Variants in RPN2 observed in about 807,000 individuals in gnomAD.
The protein encoded by RPN2 is ribophorin II.
RPN2 carries 29 observed loss-of-function variants against 71.4 expected under a neutral mutation model. That is an observed-to-expected ratio of 0.41 (90% CI 0.30 to 0.55). The LOEUF is 0.55. Ranked by LOEUF, RPN2 falls within the 20% of genes least tolerant of loss-of-function variation. RPN2 has a pLI of 0.35. For missense variants in RPN2, 726 were observed against 774.1 expected (o/e 0.94, Z 0.74); for synonymous variants, 308 against 305.0 (o/e 1.01, Z -0.10).
At chr20:37,236,531 GCA>G in intron 15 of RPN2, 47 bp from the exon 16 acceptor site, 1 of 1,607,588 alleles carries the variant, frequency 6.2e-7, no homozygotes, top group South Asian at 1.1e-5. Flanking sequence ...CAACCGCAGG[GCA>G]TCATTATGTT....
chr20:37,203,755 A>G (rs2067448287), intron 4 of RPN2, 130 bp from the exon 5 acceptor site: 2 of 735,550 alleles, frequency 2.7e-6, no homozygotes, highest in South Asian at 1.5e-5. Context: ...TAAACTCCTT[A>G]AAGGCTGAGA....
At chr20:37,206,000 C>T (rs958815967) in intron 6 of RPN2, among the ~76,000 whole-genome samples, 4 of 152,138 alleles carry the variant, frequency 2.6e-5, no homozygotes, top group African/African-American at 7.2e-5. Flanking sequence ...CCCATTTTAA[C>T]GTGTCAACAG....
At chr20:37,216,857 C>T (rs1379241684) in intron 9 of RPN2, among the ~76,000 whole-genome samples, 33 of 152,126 alleles carry the variant, frequency 2.2e-4, no homozygotes, top group Non-Finnish European at 5.9e-5. Context: ...TAGTATTTTA[C>T]ACCCTTTTCT....
chr20:37,220,414 T>A (rs987388139), intron 9 of RPN2, among the ~76,000 whole-genome samples: 1 of 152,172 alleles, frequency 6.6e-6, no homozygotes. Flanking sequence ...GGACTGGCTG[T>A]CAGGGGAAGC....
At chr20:37,200,520 A>G (rs1289240564) in intron 4 of RPN2, 1 of 522,266 alleles carries the variant, frequency 1.9e-6, no homozygotes, top group Non-Finnish European at 3.9e-6. Flanking sequence ...TCCCCCTTTC[A>G]AAACAGTGAG....
rs769139920 is a variant in RPN2, at chr20:37,235,813, G to A, written c.1754-767G>A. ...TTATAGGCCTGCGCCACCACACCTGGCTAATTTTATATTTTTAGTAGAGAG... is the reference window on the plus strand; with the variant it reads ...TTATAGGCCTGCGCCACCACACCTGACTAATTTTATATTTTTAGTAGAGAG... On this transcript the variant is annotated intron_variant, in intron 15 of 16. Coordinates refer to ENST00000237530, the MANE Select transcript of RPN2 (RefSeq NM_002951.5). Among the ~76,000 whole-genome samples the A allele has an allele frequency of 9.3e-4, 141 of 151,786 alleles. 2 individuals are homozygous for A. The highest frequency in any genetic ancestry group is 1.2e-3 in the Non-Finnish European group (81 of 67,936).
chr20:37,207,290 G>A lies in RPN2; in HGVS notation c.708G>A (p.Leu236=), dbSNP rs2067535772. The change falls in exon 7 of 17, where the codon CTG becomes CTA. Residue 236 remains leucine (L), a synonymous_variant. Coordinates refer to ENST00000237530, the MANE Select transcript of RPN2 (RefSeq NM_002951.5). Reference sequence around the variant, plus strand: ...TCTTTCAGGATCAGGTCATCCAGCTGATGAACGCGATCTTCAGCAAGAAGA... The same window carrying A: ...TCTTTCAGGATCAGGTCATCCAGCTAATGAACGCGATCTTCAGCAAGAAGA... The part of the protein sequence containing the change: ...PSIKEDQVIQ[L]MNAIFSKKNF... 1.9e-6 allele frequency: 3 copies of A among 1,613,894 alleles called. No individual in the cohort carries two copies. The highest frequency in any genetic ancestry group is 1.7e-5 in the Admixed American group (1 of 60,008).
intron 16 of RPN2, chr20:37,238,417 G>C: frequency 6.2e-7 from 1 of 1,609,904 alleles, no homozygotes; most frequent in Non-Finnish European, 8.5e-7. Context: ...CTGCAGAGCA[G>C]AGCAGTAGAT....
chr20:37,188,015 G>A (rs1010785384), intron 2 of RPN2, among the ~76,000 whole-genome samples: 2 of 151,826 alleles, frequency 1.3e-5, no homozygotes, highest in East Asian at 1.9e-4. Flanking sequence ...TTTAGTGTTT[G>A]TCTAGTTTTG....
intron 9 of RPN2, among the ~76,000 whole-genome samples, chr20:37,217,699 G>A (rs1455512813): frequency 6.6e-6 from 1 of 151,990 alleles, no homozygotes; most frequent in East Asian, 1.9e-4. Flanking sequence ...TCAGAACTCT[G>A]GCAATTCATC....
intron 9 of RPN2, among the ~76,000 whole-genome samples, chr20:37,223,135 G>C (rs1385825943): frequency 2.0e-5 from 3 of 152,208 alleles, no homozygotes; most frequent in African/African-American, 7.2e-5. Flanking sequence ...ATCACACATT[G>C]ATTCTTAAAG....
chr20:37,234,140 T>G, intron 15 of RPN2, 45 bp downstream of exon 15: 6 of 1,595,696 alleles, frequency 3.8e-6, no homozygotes, highest in Non-Finnish European at 5.1e-6. Flanking sequence ...CCTCTGACAT[T>G]TAGCCTGCCC....
rs182600781 is a variant in RPN2 at position 37,228,223 on chromosome 20, G to C, written c.1300-327G>C. On this transcript the variant is annotated intron_variant, in intron 11 of 16. Transcript: ENST00000237530. ...GAAGCAGTTAATTGGGCAGCAAAGT[G>C]ACCAAAAGGCTGGCGGGAAAAAGAA... Among the ~76,000 whole-genome samples the C allele has an allele frequency of 2.0e-4, 30 of 152,288 alleles. 1 individual carries two copies. Among genetic ancestry groups the C allele is most frequent in the Admixed American group, 1.7e-3 (26 of 15,290 alleles).
rs1255102030 is a variant in RPN2 at position 37,184,282 on chromosome 20, C to T, written c.116C>T (p.Ala39Val). Residue 39 changes from alanine to valine, a missense_variant, in exon 2 of 17, where the codon GCC becomes GTC. By Grantham distance (64) the Ala-to-Val change is moderately conservative. Transcript: ENST00000237530. ...LTKHDVERLK[A>V]SLDRPFTNLE... ...AAGCATGACGTGGAGAGACTAAAAGCCTCGCTGGATCGCCCTTTCACAAAT... is the reference window on the plus strand; with the variant it reads ...AAGCATGACGTGGAGAGACTAAAAGTCTCGCTGGATCGCCCTTTCACAAAT... 7.4e-6 allele frequency: 12 copies of T among 1,614,180 alleles called. No homozygotes were observed. The highest frequency in any genetic ancestry group is 2.2e-5 in the East Asian group (1 of 44,868).
At position 37,198,511 on chromosome 20, in the gene RPN2, G is replaced by A. The variant is rs768742898; in HGVS notation, c.303+19G>A. Reference sequence around the variant, plus strand: ...ATGTGAGGTGAGTCCGGGTTCCTACGCTGACAATGACTTTAACTATTTAAA... The same window carrying A: ...ATGTGAGGTGAGTCCGGGTTCCTACACTGACAATGACTTTAACTATTTAAA... On this transcript the variant is annotated intron_variant, in intron 3 of 16. Transcript: ENST00000237530. 1.9e-6 allele frequency: 3 copies of A among 1,614,106 alleles called. No individual in the cohort carries two copies. Among genetic ancestry groups the A allele is most frequent in the Middle Eastern group, 3.3e-4 (2 of 6,060 alleles).
At chr20:37,241,146 G>T (rs1036763864) in intron 16 of RPN2, among the ~76,000 whole-genome samples, 157 bp from the exon 17 acceptor site, 1 of 152,180 alleles carries the variant, frequency 6.6e-6, no homozygotes, top group African/African-American at 2.4e-5. Context: ...ATGAGATGGG[G>T]CATACATAAA....
chr20:37,207,729 T>G (rs1008163091), intron 7 of RPN2, among the ~76,000 whole-genome samples: 2 of 152,154 alleles, frequency 1.3e-5, no homozygotes, highest in African/African-American at 4.8e-5. Context: ...TCACCCAGGC[T>G]GGAAAGCAGT....
intron 15 of RPN2, among the ~76,000 whole-genome samples, chr20:37,235,607 AAAG>A (rs2068362294): frequency 6.6e-6 from 1 of 152,292 alleles, no homozygotes; most frequent in South Asian, 2.1e-4. Flanking sequence ...CCCCATAAAA[AAAG>A]AAATTATTCA....
chr20:37,181,274 C>T (rs2066869695), intron 1 of RPN2, among the ~76,000 whole-genome samples: 1 of 151,704 alleles, frequency 6.6e-6, no homozygotes, highest in Non-Finnish European at 1.5e-5. Context: ...CGGTGGTATA[C>T]AAGGCCCTCT....
Sources: allele counts gnomAD v4.1 joint callset (sites outside exome capture counted in the v4.1 genomes callset), GRCh38; gene constraint gnomAD v4.1.1; transcripts MANE v1.5; gene names NCBI Gene and HGNC (gene_info 2026-07-23, HGNC 2026-07-21).